PLEKHM3: variants seen among roughly 807,000 people sequenced by gnomAD.
The protein encoded by PLEKHM3 is pleckstrin homology domain-containing family M member 3.
Under a neutral mutation model 81.8 loss-of-function variants are expected in PLEKHM3, and 45 were observed. That is an observed-to-expected ratio of 0.55 (90% confidence interval 0.43 to 0.71). The LOEUF (loss-of-function observed/expected upper bound fraction) is 0.71, where lower values mean the gene tolerates loss of function less well. PLEKHM3 is among the 30% of genes least tolerant of loss of function. The probability of loss-of-function intolerance (pLI) is 0.00; values close to 1 mark genes in which losing one functional copy is unlikely to be tolerated. For missense variants in PLEKHM3, 788 were observed against 924.3 expected (o/e 0.85, Z 1.91); for synonymous variants, 352 against 356.4 (o/e 0.99, Z 0.14).
intron 1 of PLEKHM3, among the ~76,000 whole-genome samples, chr2:208,002,815 T>C (rs1020673030): frequency 3.3e-5 from 5 of 152,162 alleles, no homozygotes; most frequent in Non-Finnish European, 7.4e-5. Flanking sequence ...GTAGCCATTA[T>C]GACCATTCAA....
intron 6 of PLEKHM3, among the ~76,000 whole-genome samples, chr2:207,901,988 G>A (rs187137959): frequency 5.3e-5 from 8 of 152,286 alleles, no homozygotes; most frequent in African/African-American, 1.7e-4. Context: ...TGTTAAATCC[G>A]AATGCTCCTA....
chr2:207,876,826 C>A (rs1450354339), intron 6 of PLEKHM3, among the ~76,000 whole-genome samples: 1 of 152,212 alleles, frequency 6.6e-6, no homozygotes, highest in East Asian at 1.9e-4. Context: ...TTTTTCCCTC[C>A]TGCCCTAACA....
chr2:207,963,440 CA>C (rs886413399), intron 3 of PLEKHM3, among the ~76,000 whole-genome samples: 102 of 152,250 alleles, frequency 6.7e-4, no homozygotes, highest in African/African-American at 2.3e-3. Flanking sequence ...AGAAGACTAT[CA>C]GGGGTCAATC....
At chr2:207,926,545 T>G (rs1482572276) in intron 5 of PLEKHM3, among the ~76,000 whole-genome samples, 1 of 152,210 alleles carries the variant, frequency 6.6e-6, no homozygotes, top group Non-Finnish European at 1.5e-5. Context: ...TGCCCAGATT[T>G]TCCACAGAGT....
chr2:207,952,264 T>A (rs1574437541), intron 3 of PLEKHM3, among the ~76,000 whole-genome samples: 1 of 152,198 alleles, frequency 6.6e-6, no homozygotes. Context: ...TAGGGAGAGA[T>A]GTCCACAGGA....
intron 4 of PLEKHM3, among the ~76,000 whole-genome samples, chr2:207,934,200 A>G (rs898763642): frequency 3.9e-5 from 6 of 152,222 alleles, no homozygotes; most frequent in African/African-American, 1.4e-4. Context: ...CATGAATTAT[A>G]TGTGAACACT....
intron 1 of PLEKHM3, among the ~76,000 whole-genome samples, chr2:208,023,150 C>A (rs1029532247): frequency 1.4e-5 from 2 of 143,930 alleles, no homozygotes; most frequent in Admixed American, 6.9e-5. Context: ...CCATATTAAC[C>A]TTTTTTTTTT....
intron 3 of PLEKHM3, among the ~76,000 whole-genome samples, chr2:207,954,177 G>T (rs938697819): frequency 1.5e-4 from 23 of 151,952 alleles, no homozygotes; most frequent in Non-Finnish European, 2.8e-4. Context: ...ATAGAGTGAG[G>T]CCCCATTTTT....
intron 5 of PLEKHM3, among the ~76,000 whole-genome samples, chr2:207,920,398 A>G (rs989600813): frequency 6.6e-6 from 1 of 152,142 alleles, no homozygotes; most frequent in African/African-American, 2.4e-5. Context: ...CAAGCCCCCA[A>G]ATCACATTTT....
At chr2:207,955,267 C>A (rs1690464654) in intron 3 of PLEKHM3, among the ~76,000 whole-genome samples, 1 of 152,086 alleles carries the variant, frequency 6.6e-6, no homozygotes, top group Admixed American at 6.5e-5. Flanking sequence ...CTTACAAATT[C>A]AGCTTCTAGT....
At chr2:207,881,944 C>T (rs1041540759) in intron 6 of PLEKHM3, among the ~76,000 whole-genome samples, 11 of 152,140 alleles carry the variant, frequency 7.2e-5, no homozygotes, top group Non-Finnish European at 1.2e-4. Context: ...GGCTTTCCAC[C>T]ACCTCTTGGG....
At chr2:207,876,468 C>A (rs1170499157) in intron 6 of PLEKHM3, among the ~76,000 whole-genome samples, 1 of 152,154 alleles carries the variant, frequency 6.6e-6, no homozygotes, top group Admixed American at 6.5e-5. Flanking sequence ...TTGAAAATTG[C>A]CTATCAATGA....
At chr2:207,841,484 T>A (rs1177621701) in intron 7 of PLEKHM3, among the ~76,000 whole-genome samples, 82 of 42,040 alleles carry the variant, frequency 2.0e-3, no homozygotes, top group Middle Eastern at 0.017. Context: ...AAAAAAAATA[T>A]ATATATATAT....
At position 207,853,727 on chromosome 2, in the gene PLEKHM3, CCAAA is replaced by C. The variant is rs374112794; in HGVS notation, c.2108+7374_2108+7377del. On this transcript the variant is annotated intron_variant, in intron 7 of 7. Coordinates refer to ENST00000427836, the MANE Select transcript of PLEKHM3 (RefSeq NM_001080475.3). ...CCAGCCTTGGCGACCTAGCAAGTCGCCAAACAAACAAACAAACAAGTACAAATTG... is the reference window on the plus strand; with the variant it reads ...CCAGCCTTGGCGACCTAGCAAGTCGCCAAACAAACAAACAAGTACAAATTG... Among the ~76,000 whole-genome samples, 464 of 152,028 alleles carry C rather than the reference CCAAA, an allele frequency of 3.1e-3. 2 individuals are homozygous for C. The highest frequency in any genetic ancestry group is 0.011 in the African/African-American group (439 of 41,502).
chr2:207,945,678 G>A (rs940913061), intron 4 of PLEKHM3, among the ~76,000 whole-genome samples: 5 of 152,166 alleles, frequency 3.3e-5, no homozygotes, highest in African/African-American at 1.2e-4. Context: ...AGGGCAGGCA[G>A]ATCATTTGAG....
At chr2:207,997,432 C>T (rs1487585332) in intron 2 of PLEKHM3, among the ~76,000 whole-genome samples, 1 of 152,052 alleles carries the variant, frequency 6.6e-6, no homozygotes, top group Non-Finnish European at 1.5e-5. Context: ...GAAGCACTTC[C>T]AATAAGGCTT....
At chr2:207,865,801 A>AAAAAAAAAAAAATATATATATATAT in intron 6 of PLEKHM3, among the ~76,000 whole-genome samples, 1 of 25,288 alleles carries the variant, frequency 4.0e-5, no homozygotes, top group Non-Finnish European at 7.6e-5. Context: ...AAAAAAAAAA[A>AAAAAAAAAAAAATATATATATATAT]AGATATATAT....
intron 6 of PLEKHM3, among the ~76,000 whole-genome samples, chr2:207,864,640 T>A (rs2092486072): frequency 6.6e-6 from 1 of 152,202 alleles, no homozygotes; most frequent in Non-Finnish European, 1.5e-5. Context: ...AAGGAGAAGT[T>A]TGAGCATCTT....
intron 6 of PLEKHM3, among the ~76,000 whole-genome samples, chr2:207,891,684 T>C (rs182847388): frequency 1.2e-3 from 181 of 152,344 alleles, no homozygotes; most frequent in Admixed American, 3.3e-3. Context: ...TGCTCACTTA[T>C]GCAATAACAT....
Sources: gnomAD v4.1 joint callset for allele counts (sites outside exome capture counted in the v4.1 genomes callset) on GRCh38, gnomAD v4.1.1 for gene constraint, MANE v1.5 for transcripts, NCBI Gene and HGNC (gene_info 2026-07-23, HGNC 2026-07-21) for gene names.